The following BAZ2A variants were observed in gnomAD, a reference collection of about 807,000 sequenced individuals.
BAZ2A encodes the protein bromodomain adjacent to zinc finger domain protein 2A.
In BAZ2A, 34 loss-of-function variants were observed where a neutral mutation model predicts 199.9. The observed-to-expected ratio is 0.17, with a 90% CI of 0.13 to 0.23. The LOEUF is 0.23. Among genes scored for constraint, BAZ2A ranks in the 10% least tolerant of loss-of-function variants. The pLI, the probability that BAZ2A is intolerant of heterozygous loss-of-function variation, is 1.00. For synonymous variants in BAZ2A, 857 were observed against 883.9 expected (o/e 0.97, Z 0.54); for missense variants, 2,002 against 2,391.1 (o/e 0.84, Z 3.39).
At chr12:56,620,563 CTT>C (rs11367195) in intron 1 of BAZ2A, among the ~76,000 whole-genome samples, 34 of 144,322 alleles carry the variant, frequency 2.4e-4, no homozygotes, top group Admixed American at 2.1e-4. Flanking sequence ...CCAGGATTTC[CTT>C]TTTTTTTTTT....
rs1291387433 is a variant in BAZ2A at position 56,635,725 on chromosome 12, G to A, written c.4+457C>T. Among the ~76,000 whole-genome samples, 2 of 152,168 alleles carry A rather than the reference G, an allele frequency of 1.3e-5. No individual in the cohort carries two copies. The highest frequency in any genetic ancestry group is 4.8e-5 in the African/African-American group (2 of 41,436). On this transcript the variant is annotated intron_variant, in intron 1 of 29. Coordinates refer to the BAZ2A transcript ENST00000379441. This position sits in a 1 kb window ranked among gnomAD's most constrained non-coding sequence, Gnocchi z 4.1. ...CAGCTGCTCAGTGCAGCCCCCACCT[G>A]AAGGTGGGTCAAGGTGGGGGAGGAG...
chr12:56,598,572 G>C lies in BAZ2A; in HGVS notation c.*46C>G, dbSNP rs199677708. The C allele has an allele frequency of 2.7e-5, 43 of 1,587,624 alleles. No individual in the cohort carries two copies. The Admixed American group carries it at 6.1e-4, about 22-fold the overall frequency. ...GGTGAAAATGGCAGGTTTTTGTTTG[G>C]AAGGTGGGGGGAGATGCCACAAGGT... On this transcript the variant is annotated 3_prime_UTR_variant, in exon 29 of 29. Coordinates refer to ENST00000549884, the MANE Select transcript of BAZ2A (RefSeq NM_001300905.2).
Position 56,600,190 on chromosome 12 carries a change from G to A in BAZ2A, c.4892+11C>T. Reference sequence around the variant, plus strand: ...CTCCAAGACCAAGAATGGAGGGTGGGAGTCACTCACATCTCTGTAGTGGTG... The same window carrying A: ...CTCCAAGACCAAGAATGGAGGGTGGAAGTCACTCACATCTCTGTAGTGGTG... On this transcript the variant is annotated intron_variant, in intron 24 of 28. Transcript: ENST00000549884. 1 of 1,612,600 alleles carries A rather than the reference G, an allele frequency of 6.2e-7. No homozygotes were observed. The highest frequency in any genetic ancestry group is 8.5e-7 in the Non-Finnish European group (1 of 1,178,692).
At chr12:56,614,521 G>A (rs559834120) in intron 3 of BAZ2A, among the ~76,000 whole-genome samples, 3 of 152,246 alleles carry the variant, frequency 2.0e-5, no homozygotes, top group Admixed American at 6.5e-5. Flanking sequence ...GGGCTGTCAC[G>A]TGTACTAATG....
chr12:56,615,706 G>A, intron 2 of BAZ2A, 99 bp from the exon 3 acceptor site: 1 of 971,022 alleles, frequency 1.0e-6, no homozygotes, highest in South Asian at 1.8e-5. Flanking sequence ...AAAAGACATG[G>A]TAAAGGGAAG....
intron 10 of BAZ2A, among the ~76,000 whole-genome samples, chr12:56,607,366 T>A (rs1167437043): frequency 6.6e-6 from 1 of 152,200 alleles, no homozygotes; most frequent in Admixed American, 6.5e-5. Flanking sequence ...CTGACATGAC[T>A]ATATATACAT....
At chr12:56,632,874 TC>T (rs536962968), upstream of BAZ2A, among the ~76,000 whole-genome samples, 11 of 152,024 alleles carry the variant, frequency 7.2e-5, no homozygotes, top group Middle Eastern at 3.4e-3. Flanking sequence ...CAGCTGTGCT[TC>T]TCCCCCCATC....
Position 56,597,823 on chromosome 12 carries a change from C to T in BAZ2A, c.*795G>A, listed in dbSNP as rs1290831612. ...GGAAGGCCCAGGAAGCCTCCCTGCC[C>T]TCTCCCCAGCTACTGAGTTTCAGAA... On this transcript the variant is annotated 3_prime_UTR_variant, in exon 29 of 29. Transcript: ENST00000549884. 1 of 152,658 alleles carries T rather than the reference C, an allele frequency of 6.6e-6. No homozygotes were observed. The highest frequency in any genetic ancestry group is 2.4e-5 in the African/African-American group (1 of 41,420). 9.5% of individuals were successfully genotyped at this position (152,658 alleles called of 1,614,324 possible).
At chr12:56,631,149 A>G (rs1951298620), upstream of BAZ2A, among the ~76,000 whole-genome samples, 1 of 152,058 alleles carries the variant, frequency 6.6e-6, no homozygotes, top group Non-Finnish European at 1.5e-5. Context: ...ATGATGTTAG[A>G]GCTTAGAGAA....
At chr12:56,599,504 G>C in intron 26 of BAZ2A, 146 bp from the exon 27 acceptor site, 2 of 1,215,448 alleles carry the variant, frequency 1.6e-6, no homozygotes, top group Non-Finnish European at 2.3e-6. Context: ...CAATGAAGTA[G>C]GTAAAAGGGA....
chr12:56,599,476 T>TATCATGCATAAGCCG, intron 26 of BAZ2A, 118 bp from the exon 27 acceptor site: 1 of 1,305,586 alleles, frequency 7.7e-7, no homozygotes, highest in South Asian at 1.5e-5. Context: ...AAGCCGGCAT[T>TATCATGCATAAGCCG]GGTTTATTCA....
Position 56,611,887 on chromosome 12 carries a change from G to T in BAZ2A, c.1495C>A (p.Pro499Thr). 6.2e-7 allele frequency: 1 copy of T among 1,606,154 alleles called. No homozygotes were observed. Among genetic ancestry groups the T allele is most frequent in the South Asian group, 1.1e-5 (1 of 90,162 alleles). Residue 499 changes from proline to threonine, a missense_variant, in exon 6 of 29, where the codon CCA becomes ACA. By Grantham distance (38) the Pro-to-Thr change is conservative. Coordinates refer to ENST00000549884, the MANE Select transcript of BAZ2A (RefSeq NM_001300905.2). ...TSPKASPVTS[P>T]AAAFPTASPA... ...GAGGCTGTTGGAAAGGCAGCTGCTG[G>T]GGAAGTTACGGGAGAGGCTTTTGGG...
intron 2 of BAZ2A, among the ~76,000 whole-genome samples, chr12:56,616,943 C>A (rs1031540714): frequency 1.3e-5 from 2 of 152,170 alleles, no homozygotes; most frequent in African/African-American, 4.8e-5. Context: ...CTTGTCCCTA[C>A]CTTCCATCCA....
rs747460292 is a variant in BAZ2A at position 56,611,606 on chromosome 12, G to A, written c.1637C>T (p.Thr546Ile). The A allele has an allele frequency of 1.2e-6, 2 of 1,611,946 alleles. No individual in the cohort carries two copies. Among genetic ancestry groups the A allele is most frequent in the Non-Finnish European group, 1.7e-6 (2 of 1,179,250 alleles). ...GAGGGGAAGACGAACTTCTTCTGGG[G>A]TAGCAATACGTCTCCTCATGACATC... ...SGDVMRRRIA[T>I]PEEVRLPLQH... The change falls in exon 7 of 29, where the codon ACC (threonine) becomes ATC (isoleucine). Residue 546 changes from threonine to isoleucine, a missense_variant. Thr to Ile is a moderately conservative substitution (Grantham distance 89). Around this residue, in one of 6 missense-constraint regions of BAZ2A, gnomAD observed 641 missense variants for 694.5 expected, o/e 0.92. Transcript: ENST00000549884.
At chr12:56,616,051 C>T (rs141661852) in intron 2 of BAZ2A, among the ~76,000 whole-genome samples, 1,539 of 152,136 alleles carry the variant, frequency 0.01, 26 homozygotes, top group African/African-American at 0.034. Flanking sequence ...CCACAGGCGC[C>T]CATCACCACG....
upstream of BAZ2A, chr12:56,634,911 G>T (rs1951410538): frequency 3.0e-6 from 3 of 985,278 alleles, no homozygotes; most frequent in African/African-American, 5.2e-5. Context: ...CCCGCCAAGG[G>T]ACTCCGGAGC....
upstream of BAZ2A, among the ~76,000 whole-genome samples, chr12:56,633,824 G>A (rs1025925001): frequency 1.3e-5 from 2 of 152,090 alleles, no homozygotes; most frequent in Admixed American, 6.6e-5. Context: ...TGCAACCTAC[G>A]CCTGCCAGGT....
At position 56,611,856 on chromosome 12, in the gene BAZ2A, G is replaced by A. The variant is rs776151485; in HGVS notation, c.1526C>T (p.Ala509Val). The stretch of plus-strand genomic sequence containing the variant: ...TAGAAAGCTGCTGACATCCTTATTT[G>A]CTGGGGAGGCTGTTGGAAAGGCAGC... ...PAAAFPTASP[A>V]NKDVSSFLET... The change falls in exon 6 of 29, where the codon GCA (alanine) becomes GTA (valine). Residue 509 changes from alanine (A) to valine (V), a missense_variant. By Grantham distance (64) the Ala-to-Val change is moderately conservative (BLOSUM62 0). Around this residue, in one of 6 missense-constraint regions of BAZ2A, gnomAD observed 641 missense variants for 694.5 expected, o/e 0.92. Coordinates refer to ENST00000549884, the MANE Select transcript of BAZ2A (RefSeq NM_001300905.2). 4.4e-6 allele frequency: 7 copies of A among 1,598,326 alleles called. No individual in the cohort carries two copies. In the African/African-American group the frequency reaches 9.4e-5, roughly 22 times the overall value.
intron 10 of BAZ2A, 103 bp downstream of exon 10, chr12:56,609,633 A>G (rs1425746699): frequency 8.2e-6 from 10 of 1,215,922 alleles, no homozygotes; most frequent in Non-Finnish European, 9.4e-6. Flanking sequence ...CTTCCCAGAT[A>G]ATGTTAGTTA....
Sources: allele counts gnomAD v4.1 joint callset (sites outside exome capture counted in the v4.1 genomes callset), GRCh38; gene constraint gnomAD v4.1.1; regional missense constraint gnomAD v4.1.1; non-coding constraint Gnocchi (gnomAD v3.1); transcripts MANE v1.5; gene names NCBI Gene and HGNC (gene_info 2026-07-23, HGNC 2026-07-21).